AUTS2: variants seen among roughly 807,000 people sequenced by gnomAD.
The protein encoded by AUTS2 is activator of transcription and developmental regulator AUTS2.
Under a neutral mutation model 112.4 loss-of-function variants are expected in AUTS2, and 17 were observed. That is an observed-to-expected ratio of 0.15 (90% confidence interval 0.10 to 0.23). The LOEUF is 0.23. Ranked by LOEUF, AUTS2 falls within the 10% of genes least tolerant of loss-of-function variation. The pLI, the probability that AUTS2 is intolerant of heterozygous loss-of-function variation, is 1.00. For synonymous variants in AUTS2, 751 were observed against 702.7 expected (o/e 1.07, Z -1.09); for missense variants, 1,510 against 1,701.6 (o/e 0.89, Z 1.98).
intron 6 of AUTS2, among the ~76,000 whole-genome samples, chr7:70,722,903 G>A (rs1786782417): frequency 1.1e-4 from 17 of 152,196 alleles, no homozygotes; most frequent in Admixed American, 1.1e-3. Context: ...TGAAGACCCA[G>A]TGGGCCTGTT....
chr7:70,771,374 G>A, intron 10 of AUTS2, 175 bp from the exon 11 acceptor site: 1 of 476,316 alleles, frequency 2.1e-6, no homozygotes. Context: ...AACTTTTTAA[G>A]TTACACATTC....
chr7:70,774,047 T>G lies in AUTS2; in HGVS notation c.1850T>G (p.Val617Gly), dbSNP rs764526248. 4 of 1,614,232 alleles carry G rather than the reference T, an allele frequency of 2.5e-6. No individual in the cohort carries two copies. Among genetic ancestry groups the G allele is most frequent in the Non-Finnish European group, 3.4e-6 (4 of 1,180,044 alleles). The change falls in exon 12 of 19, where the codon GTC becomes GGC. Residue 617 changes from valine (V) to glycine (G), a missense_variant. This residue lies in a region of AUTS2 where 187 missense variants were observed against 309.7 expected (regional missense o/e 0.60). Transcript: ENST00000342771. ...FQPKTSNPID[V>G]AARPGTVPHT... Reference sequence around the variant, plus strand: ...TTGTAGACATCCAACCCTATCGATGTCGCTGCTCGGCCTGGGACAGTCCCA... The same window carrying G: ...TTGTAGACATCCAACCCTATCGATGGCGCTGCTCGGCCTGGGACAGTCCCA...
intron 2 of AUTS2, among the ~76,000 whole-genome samples, chr7:70,028,581 T>G (rs1800629790): frequency 6.6e-6 from 1 of 152,322 alleles, no homozygotes; most frequent in African/African-American, 2.4e-5. Context: ...TCTTCTGGTG[T>G]CGTCACTTCT....
intron 2 of AUTS2, among the ~76,000 whole-genome samples, chr7:69,948,095 C>T (rs1239144984): frequency 6.6e-6 from 1 of 152,154 alleles, no homozygotes; most frequent in Non-Finnish European, 1.5e-5. Context: ...AATGAAATAG[C>T]CATAGACTGT....
At chr7:70,634,096 A>G (rs1805412953) in intron 5 of AUTS2, among the ~76,000 whole-genome samples, 1 of 152,148 alleles carries the variant, frequency 6.6e-6, no homozygotes, top group Admixed American at 6.5e-5. Flanking sequence ...CAGTGAACAA[A>G]ACCAGCAAAA....
At chr7:69,993,003 A>G (rs943755442) in intron 2 of AUTS2, among the ~76,000 whole-genome samples, 1 of 152,178 alleles carries the variant, frequency 6.6e-6, no homozygotes, top group Non-Finnish European at 1.5e-5. Flanking sequence ...TCAGAATATT[A>G]TTGGTTTAAG....
At chr7:69,852,545 T>A (rs1050993618) in intron 1 of AUTS2, among the ~76,000 whole-genome samples, 1 of 152,082 alleles carries the variant, frequency 6.6e-6, no homozygotes, top group African/African-American at 2.4e-5. Flanking sequence ...CTCCGCCTCC[T>A]GGGCTCAAGC....
intron 3 of AUTS2, among the ~76,000 whole-genome samples, chr7:70,121,551 C>T (rs1170240064): frequency 1.3e-5 from 2 of 151,796 alleles, no homozygotes; most frequent in African/African-American, 4.8e-5. Flanking sequence ...CAAAGAAGTA[C>T]AAAGAAGAGG....
chr7:70,420,361 A>G (rs906735527), intron 4 of AUTS2, among the ~76,000 whole-genome samples: 2 of 152,056 alleles, frequency 1.3e-5, no homozygotes, highest in Non-Finnish European at 2.9e-5. Flanking sequence ...CTGCTCTGTA[A>G]CCTTCTTAGA....
chr7:70,756,202 C>T (rs993900116), intron 6 of AUTS2, among the ~76,000 whole-genome samples: 2 of 152,148 alleles, frequency 1.3e-5, no homozygotes, highest in African/African-American at 2.4e-5. Context: ...GCAATTTTGT[C>T]ATGAGATATT....
At chr7:70,696,317 C>T (rs774648381) in intron 5 of AUTS2, among the ~76,000 whole-genome samples, 1 of 152,130 alleles carries the variant, frequency 6.6e-6, no homozygotes, top group Non-Finnish European at 1.5e-5. Context: ...AGAATGTTTT[C>T]ACGGTCAGCC....
intron 2 of AUTS2, among the ~76,000 whole-genome samples, chr7:69,972,515 A>T (rs1170483875): frequency 6.6e-6 from 1 of 152,070 alleles, no homozygotes; most frequent in Non-Finnish European, 1.5e-5. Context: ...TCAAGTCTTA[A>T]AACTCTTTGC....
chr7:69,972,870 G>T (rs955000241), intron 2 of AUTS2, among the ~76,000 whole-genome samples: 16 of 152,030 alleles, frequency 1.1e-4, no homozygotes, highest in African/African-American at 3.9e-4. Flanking sequence ...CCTCTACCAA[G>T]ATCAAAAAGT....
At chr7:69,927,046 G>C (rs992662642) in intron 2 of AUTS2, among the ~76,000 whole-genome samples, 4 of 147,308 alleles carry the variant, frequency 2.7e-5, no homozygotes, top group African/African-American at 9.8e-5. Flanking sequence ...GAGCAAAAGA[G>C]ATAAAATGAT....
intron 4 of AUTS2, among the ~76,000 whole-genome samples, chr7:70,275,422 A>T (rs891855004): frequency 1.3e-5 from 2 of 152,188 alleles, no homozygotes; most frequent in Non-Finnish European, 2.9e-5. Flanking sequence ...TTACCCATTC[A>T]TGGGCACAAG....
chr7:69,632,518 A>C (rs541418348), intron 1 of AUTS2, among the ~76,000 whole-genome samples: 807 of 82,926 alleles, frequency 9.7e-3, no homozygotes, highest in African/African-American at 0.013. Flanking sequence ...ATCCCTCTCC[A>C]CCCCCTCTCC....
At chr7:69,954,149 A>G (rs779363574) in intron 2 of AUTS2, among the ~76,000 whole-genome samples, 1 of 151,360 alleles carries the variant, frequency 6.6e-6, no homozygotes, top group Non-Finnish European at 1.5e-5. Context: ...AAATCAAACT[A>G]ATCAATCACT....
chr7:69,770,118 A>G (rs1788598233), intron 1 of AUTS2, among the ~76,000 whole-genome samples: 1 of 152,212 alleles, frequency 6.6e-6, no homozygotes, highest in Non-Finnish European at 1.5e-5. Flanking sequence ...ACATCACAGC[A>G]TGCTATTAAT....
At chr7:70,356,695 TCTC>T (rs1188096095) in intron 4 of AUTS2, among the ~76,000 whole-genome samples, 3 of 152,122 alleles carry the variant, frequency 2.0e-5, no homozygotes, top group Non-Finnish European at 4.4e-5. Context: ...CTTTTTTTCT[TCTC>T]CTCCCCCCAC....
Sources: gnomAD v4.1 joint callset for allele counts (sites outside exome capture counted in the v4.1 genomes callset) on GRCh38, gnomAD v4.1.1 for gene constraint, gnomAD v4.1.1 regional missense constraint, MANE v1.5 for transcripts, NCBI Gene and HGNC (gene_info 2026-07-23, HGNC 2026-07-21) for gene names.